The following CDKN2B-AS1 variants were observed in gnomAD, a reference collection of about 807,000 sequenced individuals.
CDKN2B-AS1 encodes the protein CDKN2B antisense RNA 1 (non-protein coding).
chr9:22,042,227 G>T (rs1170071060), intron 1 of CDKN2B-AS1, among the ~76,000 whole-genome samples: 1 of 151,910 alleles, frequency 6.6e-6, no homozygotes, highest in African/African-American at 2.4e-5. Context: ...CTGTCTAGGG[G>T]CTAAAACATT....
intron 1 of CDKN2B-AS1, among the ~76,000 whole-genome samples, chr9:22,011,328 T>C (rs749092157): frequency 5.9e-5 from 9 of 152,268 alleles, no homozygotes; most frequent in Non-Finnish European, 1.3e-4. Context: ...GAATATTATA[T>C]AGTCTATATT....
At chr9:22,111,646 A>C (rs886768383) in intron 4 of CDKN2B-AS1, among the ~76,000 whole-genome samples, 1 of 152,186 alleles carries the variant, frequency 6.6e-6, no homozygotes, top group Admixed American at 6.6e-5. Flanking sequence ...TTACAGTGAA[A>C]TAGATTTTTT....
At position 22,066,994 on chromosome 9, in the gene CDKN2B-AS1, C is replaced by G. The variant is rs553522445; in HGVS notation, n.438+10607C>G. Among the ~76,000 whole-genome samples, 98 of 152,166 alleles carry G rather than the reference C, an allele frequency of 6.4e-4. 1 individual carries two copies. Among genetic ancestry groups the G allele is most frequent in the African/African-American group, 2.3e-3 (94 of 41,528 alleles). On this transcript the variant is annotated intron_variant and non_coding_transcript_variant, in intron 4 of 4. Transcript: ENST00000650946. Reference sequence around the variant, plus strand: ...AAAACCAAACACTGATGTTCTCACTCATAGGTGGGAGTTGAACAATGAGAA... The same window carrying G: ...AAAACCAAACACTGATGTTCTCACTGATAGGTGGGAGTTGAACAATGAGAA...
At chr9:22,042,507 C>T (rs1046049032) in intron 1 of CDKN2B-AS1, among the ~76,000 whole-genome samples, 27 of 152,008 alleles carry the variant, frequency 1.8e-4, no homozygotes, top group African/African-American at 6.3e-4. Context: ...TTAAGGAATG[C>T]ATGAAGACTG....
At chr9:22,017,375 T>C (rs963150075) in intron 1 of CDKN2B-AS1, among the ~76,000 whole-genome samples, 1 of 152,222 alleles carries the variant, frequency 6.6e-6, no homozygotes, top group East Asian at 1.9e-4. Context: ...ATATGGGTTA[T>C]CTACCTCTTT....
intron 4 of CDKN2B-AS1, among the ~76,000 whole-genome samples, chr9:22,126,574 CTTTTTTTTTT>C (rs34700018): frequency 1.9e-5 from 2 of 104,892 alleles, no homozygotes; most frequent in South Asian, 3.3e-4. Flanking sequence ...TAAGTGGATT[CTTTTTTTTTT>C]TTTTTTTTTT....
At chr9:22,127,700 G>A (rs958417596) in exon 5 of CDKN2B-AS1, among the ~76,000 whole-genome samples, 2 of 152,082 alleles carry the variant, frequency 1.3e-5, no homozygotes, top group East Asian at 1.9e-4. Context: ...TCCCAAATAC[G>A]AACTTTGACT....
In CDKN2B-AS1 at chr9:22,006,978, G is replaced by A. The variant is rs1269640089; in HGVS notation, n.29+11817G>A. 6.6e-6 allele frequency among the ~76,000 whole-genome samples: 1 copy of A among 152,066 alleles called. No homozygotes were observed. The highest frequency in any genetic ancestry group is 2.4e-5 in the African/African-American group (1 of 41,402). ...AAATTTAGACTATAATATTTTTAAT[G>A]TAATATAAAACTAACTATATTTGTA... On this transcript the variant is annotated intron_variant and non_coding_transcript_variant, in intron 1 of 4. Coordinates refer to ENST00000650946, the Ensembl canonical transcript of CDKN2B-AS1. The surrounding 1 kb of genome is among the most constrained non-coding windows in gnomAD (Gnocchi z 6.4).
At position 22,074,218 on chromosome 9, in the gene CDKN2B-AS1, AG is replaced by A. The variant is rs957863729; in HGVS notation, n.438+17833del. 1.8e-4 allele frequency among the ~76,000 whole-genome samples: 27 copies of A among 152,300 alleles called. No homozygotes were observed. The Middle Eastern group carries it at 0.014, about 77-fold the overall frequency. On this transcript the variant is annotated intron_variant and non_coding_transcript_variant, in intron 4 of 4. Transcript: ENST00000650946. ...TATAATTTTAAGATCACATTTCCAA[AG>A]GAAGGAGTTTTGCTTCTTTTCAAAT... is the stretch of plus-strand genomic sequence containing the variant.
chr9:22,013,685 TCA>T (rs920781992), intron 1 of CDKN2B-AS1, among the ~76,000 whole-genome samples: 1 of 152,174 alleles, frequency 6.6e-6, no homozygotes, highest in Non-Finnish European at 1.5e-5. Flanking sequence ...ACTCCTGGGC[TCA>T]CACAATTCTT....
chr9:22,023,456 G>T (rs1038286025), intron 1 of CDKN2B-AS1, among the ~76,000 whole-genome samples: 1 of 152,034 alleles, frequency 6.6e-6, no homozygotes. Flanking sequence ...TTTGGGGGTT[G>T]GGAGTGGTGG....
At chr9:22,110,274 G>T (rs1323120030) in intron 4 of CDKN2B-AS1, among the ~76,000 whole-genome samples, 2 of 151,976 alleles carry the variant, frequency 1.3e-5, no homozygotes, top group African/African-American at 4.8e-5. Flanking sequence ...ACATCCACTG[G>T]GTGCCTGTTA....
chr9:22,108,222 G>A lies in CDKN2B-AS1; in HGVS notation n.439-18881G>A, dbSNP rs1046336666. ...ATTTTGAATAAGTCAGTTCTTCTCC[G>A]AATGGGCTCTGGAGATTGGCATTTG... is the stretch of plus-strand genomic sequence containing the variant. On this transcript the variant is annotated intron_variant and non_coding_transcript_variant, in intron 4 of 4. Transcript: ENST00000650946. Among the ~76,000 whole-genome samples the A allele has an allele frequency of 8.5e-5, 13 of 152,080 alleles. No individual in the cohort carries two copies. The South Asian group carries it at 1.7e-3, about 19-fold the overall frequency.
chr9:22,013,506 C>T (rs767786423), intron 1 of CDKN2B-AS1, among the ~76,000 whole-genome samples: 1 of 151,980 alleles, frequency 6.6e-6, no homozygotes, highest in East Asian at 1.9e-4. Context: ...GGCTGGAGTG[C>T]AATACTGTGA....
At chr9:22,089,540 C>T (rs1237013005) in intron 4 of CDKN2B-AS1, among the ~76,000 whole-genome samples, 1 of 152,150 alleles carries the variant, frequency 6.6e-6, no homozygotes, top group African/African-American at 2.4e-5. Context: ...AAGTGATCTT[C>T]CCACCTCTGC....
At chr9:22,057,819 A>G (rs1302177283) in intron 4 of CDKN2B-AS1, among the ~76,000 whole-genome samples, 1 of 151,942 alleles carries the variant, frequency 6.6e-6, no homozygotes, top group East Asian at 1.9e-4. Flanking sequence ...GAAAAAAAAA[A>G]GCAACCCAGT....
At chr9:22,082,807 G>A (rs1410659400) in intron 4 of CDKN2B-AS1, among the ~76,000 whole-genome samples, 1 of 152,122 alleles carries the variant, frequency 6.6e-6, no homozygotes, top group Non-Finnish European at 1.5e-5. Context: ...ACATGGGCAG[G>A]GGATAAACCA....
intron 4 of CDKN2B-AS1, among the ~76,000 whole-genome samples, chr9:22,105,263 A>T (rs1825619664): frequency 6.6e-6 from 1 of 152,224 alleles, no homozygotes; most frequent in African/African-American, 2.4e-5. Flanking sequence ...GAAAGTGATT[A>T]GTGTTGGAGG....
intron 1 of CDKN2B-AS1, chr9:22,029,469 A>C (rs546558899): frequency 1.3e-6 from 1 of 779,592 alleles, no homozygotes; most frequent in Admixed American, 1.7e-5. Context: ...ATTCCAAGAG[A>C]GAATATTGGT....
Sources: allele counts gnomAD v4.1 joint callset (sites outside exome capture counted in the v4.1 genomes callset), GRCh38; gene constraint gnomAD v4.1.1; non-coding constraint Gnocchi (gnomAD v3.1); transcripts MANE v1.5; gene names NCBI Gene and HGNC (gene_info 2026-07-23, HGNC 2026-07-21).